The following PLEKHA8 variants were observed in gnomAD, a reference collection of about 807,000 sequenced individuals.
PLEKHA8 encodes pleckstrin homology domain containing A8.
In PLEKHA8, 36 loss-of-function variants were observed where a neutral mutation model predicts 68.2. The observed-to-expected ratio is 0.53, with a 90% confidence interval of 0.40 to 0.70. The LOEUF is 0.70. Among genes scored for constraint, PLEKHA8 ranks in the 30% least tolerant of loss-of-function variants. PLEKHA8 has a pLI of 0.00. For synonymous variants in PLEKHA8, 211 were observed against 216.1 expected, an observed-to-expected ratio of 0.98 and a Z score of 0.20; for missense variants, 505 against 615.4, an observed-to-expected ratio of 0.82 and a Z score of 1.90.
chr7:30,084,796 TG>T (rs1251321591), downstream of PLEKHA8: 1 of 321,972 alleles, frequency 3.1e-6, no homozygotes, highest in African/African-American at 2.3e-5. Context: ...AATAACTCCA[TG>T]GGGCAGGTAC....
intron 13 of PLEKHA8, among the ~76,000 whole-genome samples, chr7:30,107,659 T>G (rs946684189): frequency 2.0e-5 from 3 of 152,236 alleles, no homozygotes; most frequent in African/African-American, 7.2e-5. Context: ...ATTTCATAAT[T>G]ACATACAATT....
chr7:30,048,094 AGGT>A, intron 4 of PLEKHA8, 138 bp downstream of exon 4: 1 of 447,624 alleles, frequency 2.2e-6, no homozygotes, highest in Non-Finnish European at 3.2e-6. Flanking sequence ...CGTTGCTTAC[AGGT>A]GGTGTTTACT....
chr7:30,129,117 G>A (rs927969221), intron 13 of PLEKHA8: 29 of 1,069,764 alleles, frequency 2.7e-5, no homozygotes, highest in African/African-American at 2.7e-4. Flanking sequence ...TTCTTCCTTA[G>A]CAATAAGATT....
chr7:30,109,532 C>T (rs377231118), intron 13 of PLEKHA8, among the ~76,000 whole-genome samples: 1 of 124,544 alleles, frequency 8.0e-6, no homozygotes, highest in South Asian at 2.7e-4. Context: ...AGGTTGCAGT[C>T]AGCCAAGATC....
Position 30,083,788 on chromosome 7 carries a change from A to C in PLEKHA8, c.*5001A>C. 3 of 985,358 alleles carry C rather than the reference A, an allele frequency of 3.0e-6. No individual in the cohort carries two copies. Among genetic ancestry groups the C allele is most frequent in the Non-Finnish European group, 3.6e-6 (3 of 829,864 alleles). The allele number at this position is 985,358 out of a possible 1,614,324, so 61.0% of individuals were successfully genotyped here. ...ATATCCTGCTTGTTCTAAATAGTTC[A>C]TATATTTAAAGTGTGGTCAGTATTT... On this transcript the variant is annotated 3_prime_UTR_variant, in exon 14 of 14. Coordinates refer to ENST00000449726, the MANE Select transcript of PLEKHA8 (RefSeq NM_001197026.2).
At chr7:30,078,464 C>A in intron 13 of PLEKHA8, 126 bp from the exon 14 acceptor site, 12 of 997,314 alleles carry the variant, frequency 1.2e-5, no homozygotes, top group Non-Finnish European at 1.3e-5. Context: ...AGTCATATTT[C>A]TTTACTCTTG....
intron 9 of PLEKHA8, among the ~76,000 whole-genome samples, chr7:30,056,034 C>G (rs1295564630): frequency 6.6e-6 from 1 of 151,164 alleles, no homozygotes; most frequent in African/African-American, 2.4e-5. Flanking sequence ...GCTCCGCCCC[C>G]CAGGTTCATG....
At chr7:30,037,489 A>G (rs1791191412) in intron 1 of PLEKHA8, among the ~76,000 whole-genome samples, 1 of 152,096 alleles carries the variant, frequency 6.6e-6, no homozygotes, top group African/African-American at 2.4e-5. Flanking sequence ...GTTTTCTGTT[A>G]TTTTGTATTA....
intron 13 of PLEKHA8, chr7:30,129,220 A>G: frequency 1.9e-6 from 3 of 1,612,680 alleles, no homozygotes; most frequent in Non-Finnish European, 2.5e-6. Flanking sequence ...GAGTAATGAC[A>G]GTTGGCCTGT....
chr7:30,085,723 G>A (rs938969406), downstream of PLEKHA8, among the ~76,000 whole-genome samples: 6 of 152,166 alleles, frequency 3.9e-5, no homozygotes, highest in African/African-American at 1.2e-4. Context: ...AATTGAGAGT[G>A]GGAGGGATTG....
At chr7:30,129,618 A>G (rs17547157), downstream of PLEKHA8, 49,005 of 344,806 alleles carry the variant, frequency 0.14, 3,696 homozygotes, top group African/African-American at 0.18. Context: ...CTGCTATAAG[A>G]ACTTTGGGTA....
chr7:30,028,881 G>T, intron 1 of PLEKHA8, 79 bp downstream of exon 1: 1 of 1,225,276 alleles, frequency 8.2e-7, no homozygotes, highest in African/African-American at 1.6e-5. Flanking sequence ...GTCTGGACCC[G>T]TCTTAGGGAG....
chr7:30,029,512 A>T (rs79618068), intron 1 of PLEKHA8, among the ~76,000 whole-genome samples: 3,904 of 152,274 alleles, frequency 0.026, 64 homozygotes, highest in South Asian at 0.063. Flanking sequence ...AAAGCTTCAT[A>T]TCTTGAGAAG....
At chr7:30,037,194 T>C (rs1336953497) in intron 1 of PLEKHA8, among the ~76,000 whole-genome samples, 1 of 152,240 alleles carries the variant, frequency 6.6e-6, no homozygotes, top group Non-Finnish European at 1.5e-5. Context: ...TATGATATGA[T>C]AATATATATG....
downstream of PLEKHA8, among the ~76,000 whole-genome samples, chr7:30,091,324 T>A (rs1422030299): frequency 6.6e-6 from 1 of 152,128 alleles, no homozygotes; most frequent in African/African-American, 2.4e-5. Context: ...ATCTTTTTAT[T>A]TTTTAATGGA....
chr7:30,093,971 T>A (rs57938843), downstream of PLEKHA8, among the ~76,000 whole-genome samples: 21,404 of 152,198 alleles, frequency 0.14, 1,530 homozygotes, highest in Middle Eastern at 0.18. Context: ...GGTGTTGTTA[T>A]GAGGATTAGC....
At chr7:30,071,043 A>G (rs78198854) in intron 12 of PLEKHA8, among the ~76,000 whole-genome samples, 25,510 of 152,154 alleles carry the variant, frequency 0.17, 2,173 homozygotes, top group Middle Eastern at 0.22. Context: ...TACAGGGGGA[A>G]AAAACTAGCA....
At chr7:30,123,620 G>C (rs1249599924) in intron 13 of PLEKHA8, among the ~76,000 whole-genome samples, 1 of 152,204 alleles carries the variant, frequency 6.6e-6, no homozygotes, top group South Asian at 2.1e-4. Context: ...CAGAAGGAGA[G>C]AATGTGGATC....
rs948585633 is a variant in PLEKHA8 at position 30,082,647 on chromosome 7, A to G, written c.*3860A>G. The stretch of plus-strand genomic sequence containing the variant: ...GATGCTTTTAACTTTATATTTTCAG[A>G]AAAGTGTTTTTAATTAAAAATATGT... On this transcript the variant is annotated 3_prime_UTR_variant, in exon 14 of 14. Coordinates refer to ENST00000449726, the MANE Select transcript of PLEKHA8 (RefSeq NM_001197026.2). 4.1e-6 allele frequency: 4 copies of G among 983,834 alleles called. No homozygotes were observed. Among genetic ancestry groups the G allele is most frequent in the Admixed American group, 6.1e-5 (1 of 16,290 alleles). The allele number at this position is 983,834 out of a possible 1,614,324, so 60.9% of individuals were successfully genotyped here. A position where few individuals can be genotyped will look rare whatever the true frequency, so the allele number is the denominator to read the frequency against.
Sources: gnomAD v4.1 joint callset for allele counts (sites outside exome capture counted in the v4.1 genomes callset) on GRCh38, gnomAD v4.1.1 for gene constraint, MANE v1.5 for transcripts, NCBI Gene and HGNC (gene_info 2026-07-23, HGNC 2026-07-21) for gene names.